The following IQANK1 variants were observed in gnomAD, a reference collection of about 807,000 sequenced individuals.
The protein encoded by IQANK1 is IQ motif and ankyrin repeat domain-containing protein 1.
IQANK1 carries 30 observed loss-of-function variants against 22.6 expected under a neutral mutation model. The ratio of observed to expected loss-of-function variants is 1.33; its 90% CI spans 0.99 to 1.80. The LOEUF (loss-of-function observed/expected upper bound fraction) is 1.80. Ranked by LOEUF, IQANK1 falls within the 40% of genes most tolerant of loss-of-function variation. The probability of loss-of-function intolerance (pLI) is 0.00; values close to 1 mark genes in which losing one functional copy is unlikely to be tolerated. For synonymous variants in IQANK1, 122 were observed against 99.6 expected (o/e 1.23, Z -1.34); for missense variants, 275 against 235.2 (o/e 1.17, Z -1.11).
At chr8:143,760,413 C>A (rs1054214106) in intron 3 of IQANK1, 1 of 152,068 alleles carries the variant, frequency 6.6e-6, no homozygotes, top group Non-Finnish European at 1.5e-5. Flanking sequence ...CGGTGGCTCA[C>A]GCCTGTAATC....
rs1268379935 is a variant in IQANK1, at chr8:143,741,851, T to C, written c.175+1903T>C. On this transcript the variant is annotated intron_variant, in intron 3 of 13. Coordinates refer to ENST00000527139, the MANE Select transcript of IQANK1 (RefSeq NM_001381874.1). The stretch of plus-strand genomic sequence containing the variant: ...GCACGCCTTCCCCAGCCTCCTCTTA[T>C]TGGCCTGCAGCCCTGCTCTCCCCAC... 11 of 158,534 alleles carry C rather than the reference T, an allele frequency of 6.9e-5. No individual in the cohort carries two copies. In the South Asian group the frequency reaches 1.7e-3, roughly 24 times the overall value. 9.8% of individuals were successfully genotyped at this position (158,534 alleles called of 1,614,324 possible).
chr8:143,756,558 C>T (rs997626866), intron 3 of IQANK1, among the ~76,000 whole-genome samples: 12 of 152,080 alleles, frequency 7.9e-5, no homozygotes, highest in Non-Finnish European at 1.5e-4. Flanking sequence ...CGCCCAACCT[C>T]GTGGCTTGGT....
Position 143,735,816 on chromosome 8 carries a change from C to T in IQANK1, c.-4-34C>T, listed in dbSNP as rs1273394048. On this transcript the variant is annotated intron_variant, in intron 1 of 13. Coordinates refer to ENST00000527139, the MANE Select transcript of IQANK1 (RefSeq NM_001381874.1). The surrounding 1 kb of genome is among the most constrained non-coding windows in gnomAD (Gnocchi z 5.2). ...CCCCTGCCCTCTGCCACTCTGAGCA[C>T]CCTCTCCCTGGTCCTTCCCTACCCA... is the stretch of plus-strand genomic sequence containing the variant. 2.8e-6 allele frequency: 2 copies of T among 702,164 alleles called. No homozygotes were observed. The highest frequency in any genetic ancestry group is 5.2e-6 in the Non-Finnish European group (2 of 384,664). 43.5% of individuals were successfully genotyped at this position (702,164 alleles called of 1,614,324 possible).
At chr8:143,781,448 G>C (rs1554630924) in intron 7 of IQANK1, among the ~76,000 whole-genome samples, 1 of 152,118 alleles carries the variant, frequency 6.6e-6, no homozygotes, top group African/African-American at 2.4e-5. Context: ...GGTTTTTATA[G>C]TTTTGAGTTT....
At chr8:143,749,240 A>G (rs1475694946) in intron 3 of IQANK1, among the ~76,000 whole-genome samples, 1 of 124,570 alleles carries the variant, frequency 8.0e-6, no homozygotes, top group Non-Finnish European at 1.5e-5. Context: ...ATACCTATAT[A>G]TCATATATGT....
chr8:143,772,060 G>T lies in IQANK1; in HGVS notation c.480G>T (p.Gln160His), dbSNP rs1819586308. The T allele has an allele frequency of 2.5e-6, 1 of 396,408 alleles. No individual in the cohort carries two copies. The highest frequency in any genetic ancestry group is 4.5e-6 in the Non-Finnish European group (1 of 224,674). The allele number at this position is 396,408 out of a possible 1,614,324, so 24.6% of individuals were successfully genotyped here. A position where few individuals can be genotyped will look rare whatever the true frequency, so the allele number is the denominator to read the frequency against. ...EIRAVLKEVE[Q>H]LLTREGVGHD... ...CGCGGCGAGCTGCGCAGGTGGAGCA[G>T]CTGCTGACGCGCGAGGGCGTGGGCC... is the stretch of plus-strand genomic sequence containing the variant. The change falls in exon 6 of 14, where the codon CAG becomes CAT. Residue 160 changes from glutamine (Q) to histidine (H), a missense_variant. Physicochemically the swap from Gln to His is conservative, Grantham distance 24. Coordinates refer to ENST00000527139, the MANE Select transcript of IQANK1 (RefSeq NM_001381874.1).
At chr8:143,763,426 T>A (rs1819430283) in intron 3 of IQANK1, among the ~76,000 whole-genome samples, 1 of 152,344 alleles carries the variant, frequency 6.6e-6, no homozygotes, top group South Asian at 2.1e-4. Context: ...GCTGATATGG[T>A]TTGGTCCCCT....
At chr8:143,769,611 C>T (rs561571771) in intron 3 of IQANK1, among the ~76,000 whole-genome samples, 1 of 152,354 alleles carries the variant, frequency 6.6e-6, no homozygotes, top group African/African-American at 2.4e-5. Flanking sequence ...GCTCTAAATG[C>T]AGGTCTGTCC....
At chr8:143,790,108 G>A (rs1819998578) in intron 12 of IQANK1, 29 bp from the exon 13 acceptor site, 1 of 1,232,004 alleles carries the variant, frequency 8.1e-7, no homozygotes, top group South Asian at 4.1e-5. Flanking sequence ...GGTTTGGACA[G>A]ACAGCAGTGA....
rs71318622 is a variant in IQANK1, at chr8:143,751,664, G to GTATATATATATA, written c.175+11719_175+11730dup. Among the ~76,000 whole-genome samples the GTATATATATATA allele has an allele frequency of 1.6e-4, 10 of 61,546 alleles. 1 individual carries two copies. The highest frequency in any genetic ancestry group is 1.4e-3 in the South Asian group (2 of 1,426). The allele number at this position is 61,546 out of a possible 152,430, so 40.4% of individuals were successfully genotyped here. A position where few individuals can be genotyped will look rare whatever the true frequency, so the allele number is the denominator to read the frequency against. On this transcript the variant is annotated intron_variant, in intron 3 of 13. Transcript: ENST00000527139. ...TGTGTGTGTGTGTGTGTGTGTGTGTGTATATATATATATAAAATCCTATAC... is the reference window on the plus strand; with the variant it reads ...TGTGTGTGTGTGTGTGTGTGTGTGTGTATATATATATATATATATATATATAAAATCCTATAC...
intron 3 of IQANK1, chr8:143,742,218 C>G (rs966272323): frequency 1.1e-5 from 4 of 376,010 alleles, no homozygotes; most frequent in Non-Finnish European, 2.2e-5. Flanking sequence ...AGAGCCAGCC[C>G]AGCCCTCACT....
At chr8:143,778,181 T>G (rs1251357299) in intron 7 of IQANK1, among the ~76,000 whole-genome samples, 1 of 131,060 alleles carries the variant, frequency 7.6e-6, no homozygotes, top group African/African-American at 3.0e-5. Flanking sequence ...GGTGACAGAG[T>G]AAGACTCCGT....
intron 3 of IQANK1, among the ~76,000 whole-genome samples, chr8:143,749,166 CAA>C (rs199894747): frequency 0.1 from 11,998 of 119,712 alleles, 2,172 homozygotes; most frequent in African/African-American, 0.38. Flanking sequence ...ATGTATATAT[CAA>C]TATATATAAT....
chr8:143,738,788 G>T (rs943931687), intron 2 of IQANK1, among the ~76,000 whole-genome samples: 2 of 152,180 alleles, frequency 1.3e-5, no homozygotes, highest in Admixed American at 6.5e-5. Flanking sequence ...CATCCTGGTC[G>T]CACTGACCCT....
intron 2 of IQANK1, among the ~76,000 whole-genome samples, chr8:143,738,738 C>A (rs115489687): frequency 0.02 from 3,028 of 152,136 alleles, 95 homozygotes; most frequent in African/African-American, 0.061. Context: ...CACAGCTGGT[C>A]GAGGGAAACT....
rs771940457 is a variant in IQANK1 at position 143,790,264 on chromosome 8, G to A, written c.1417G>A (p.Ala473Thr). ...PETMWLALLGALRYGKPLVFD... is the reference protein window; with the variant it reads ...PETMWLALLGTLRYGKPLVFD... ...GACGATGTGGCTGGCTCTGCTGGGG[G>A]CTCTGCGGTGAGGCAGGCAGGGTGA... is the stretch of plus-strand genomic sequence containing the variant. The change falls in exon 13 of 14, where the codon GCT becomes ACT. Residue 473 changes from alanine (A) to threonine (T), a missense_variant. Ala to Thr is a moderately conservative substitution (Grantham distance 58). Transcript: ENST00000527139. 1.9e-4 allele frequency: 240 copies of A among 1,232,072 alleles called. 1 individual carries two copies. Among genetic ancestry groups the A allele is most frequent in the Non-Finnish European group, 2.4e-4 (233 of 988,080 alleles). The allele number at this position is 1,232,072 out of a possible 1,614,324, so 76.3% of individuals were successfully genotyped here.
intron 7 of IQANK1, among the ~76,000 whole-genome samples, chr8:143,786,921 G>A (rs1327042371): frequency 6.6e-6 from 1 of 152,222 alleles, no homozygotes; most frequent in Non-Finnish European, 1.5e-5. Context: ...GAGGCACAGA[G>A]GCTGGAGGAT....
chr8:143,765,301 G>A (rs1424595686), intron 3 of IQANK1, among the ~76,000 whole-genome samples: 1 of 151,874 alleles, frequency 6.6e-6, no homozygotes, highest in Non-Finnish European at 1.5e-5. Flanking sequence ...AGGTTGCAGT[G>A]AGCCAGGATC....
At chr8:143,753,776 A>G (rs1326681374) in intron 3 of IQANK1, among the ~76,000 whole-genome samples, 1 of 152,000 alleles carries the variant, frequency 6.6e-6, no homozygotes, top group East Asian at 1.9e-4. Context: ...GTTTCTGTTG[A>G]TTTATTTTTG....
Sources: allele counts gnomAD v4.1 joint callset (sites outside exome capture counted in the v4.1 genomes callset), GRCh38; gene constraint gnomAD v4.1.1; non-coding constraint Gnocchi (gnomAD v3.1); transcripts MANE v1.5; gene names NCBI Gene and HGNC (gene_info 2026-07-23, HGNC 2026-07-21).